The following GRHL2 variants were observed in gnomAD, a reference collection of about 807,000 sequenced individuals.
GRHL2 encodes grainyhead-like protein 2 homolog.
GRHL2 carries 21 observed loss-of-function variants against 83.8 expected under a neutral mutation model. The ratio of observed to expected loss-of-function variants is 0.25; its 90% confidence interval spans 0.18 to 0.36. The LOEUF (loss-of-function observed/expected upper bound fraction) is 0.36. Among genes scored for constraint, GRHL2 ranks in the 10% least tolerant of loss-of-function variants. GRHL2 has a pLI of 1.00. For synonymous variants in GRHL2, 280 were observed against 278.9 expected (o/e 1.00, Z -0.04); for missense variants, 623 against 781.8 (o/e 0.80, Z 2.42).
chr8:101,599,614 C>T (rs929329795), intron 8 of GRHL2, among the ~76,000 whole-genome samples: 2 of 152,216 alleles, frequency 1.3e-5, no homozygotes, highest in Non-Finnish European at 2.9e-5. Flanking sequence ...CTGAGCTCTA[C>T]TGATGGAGGT....
At chr8:101,512,754 G>T (rs1243115296) in intron 1 of GRHL2, among the ~76,000 whole-genome samples, 3 of 152,216 alleles carry the variant, frequency 2.0e-5, no homozygotes, top group Admixed American at 6.5e-5. Flanking sequence ...GATGCTTTCA[G>T]TATTTCACTG....
chr8:101,546,354 A>G (rs1329647431), intron 2 of GRHL2, among the ~76,000 whole-genome samples: 1 of 151,982 alleles, frequency 6.6e-6, no homozygotes, highest in Admixed American at 6.6e-5. Context: ...TTTGATGACA[A>G]TTCTTTTTTT....
chr8:101,637,155 T>TA (rs1813304861), intron 12 of GRHL2, among the ~76,000 whole-genome samples: 1 of 152,146 alleles, frequency 6.6e-6, no homozygotes, highest in South Asian at 2.1e-4. Flanking sequence ...GCTTCCTCCC[T>TA]AAGACCCACC....
intron 12 of GRHL2, among the ~76,000 whole-genome samples, chr8:101,639,292 C>T (rs979774686): frequency 1.3e-5 from 2 of 148,206 alleles, no homozygotes; most frequent in African/African-American, 5.3e-5. Context: ...ACATGAACAG[C>T]ATTGGAACCA....
chr8:101,539,866 C>T (rs1166769288), intron 1 of GRHL2, among the ~76,000 whole-genome samples: 1 of 152,152 alleles, frequency 6.6e-6, no homozygotes, highest in Non-Finnish European at 1.5e-5. Context: ...CTGTCGTGTG[C>T]CCTCACAGCA....
rs115200036 is a variant in GRHL2 at position 101,633,418 on chromosome 8, A to G, written c.1485+1053A>G. Reference sequence around the variant, plus strand: ...TTGCATTCTAAGCATGCAAACACTCAATGGAATTGACCTTGGTGTAGAAAG... The same window carrying G: ...TTGCATTCTAAGCATGCAAACACTCGATGGAATTGACCTTGGTGTAGAAAG... On this transcript the variant is annotated intron_variant, in intron 11 of 15. Coordinates refer to ENST00000646743, the MANE Select transcript of GRHL2 (RefSeq NM_024915.4). Among the ~76,000 whole-genome samples, 640 of 152,314 alleles carry G rather than the reference A, an allele frequency of 4.2e-3. 5 individuals are homozygous for G. The highest frequency in any genetic ancestry group is 0.014 in the African/African-American group (596 of 41,568).
At chr8:101,531,288 C>T (rs544998763) in intron 1 of GRHL2, among the ~76,000 whole-genome samples, 1 of 151,542 alleles carries the variant, frequency 6.6e-6, no homozygotes, top group African/African-American at 2.4e-5. Context: ...CTGACTGCTA[C>T]CTGAACCTGG....
chr8:101,524,099 C>G (rs182283511), intron 1 of GRHL2, among the ~76,000 whole-genome samples: 1 of 152,250 alleles, frequency 6.6e-6, no homozygotes, highest in Admixed American at 6.5e-5. Flanking sequence ...TTTTCTCTTT[C>G]CAAATAATTG....
chr8:101,493,535 G>C (rs2129941323), intron 1 of GRHL2, among the ~76,000 whole-genome samples: 1 of 152,252 alleles, frequency 6.6e-6, no homozygotes, highest in Non-Finnish European at 1.5e-5. Context: ...ACTCATGTGA[G>C]GCCTCGAGTT....
chr8:101,562,367 T>C (rs754094199), intron 4 of GRHL2: 7 of 673,900 alleles, frequency 1.0e-5, no homozygotes, highest in Non-Finnish European at 1.7e-5. Flanking sequence ...GTGCTTCTTT[T>C]TAAAGTTTTT....
chr8:101,607,267 T>C (rs574664290), intron 8 of GRHL2, among the ~76,000 whole-genome samples: 2 of 152,346 alleles, frequency 1.3e-5, no homozygotes, highest in Admixed American at 6.5e-5. Context: ...GATGGCGTTC[T>C]TAATCTGCTG....
In GRHL2 at chr8:101,644,168, G is replaced by C. The variant is rs1367233616; in HGVS notation, c.1555G>C (p.Glu519Gln). 6.2e-7 allele frequency: 1 copy of C among 1,614,176 alleles called. No homozygotes were observed. Among genetic ancestry groups the C allele is most frequent in the Admixed American group, 1.7e-5 (1 of 60,028 alleles). ...TGTTAAACGGATGTTCCGGCCCATG[G>C]AAGAGGAGTTTGGTCCAGTGCCTTC... ...VLVKRMFRPM[E>Q]EEFGPVPSKQ... is the part of the protein sequence containing the mutation. Residue 519 changes from glutamate (E) to glutamine (Q), a missense_variant, in exon 13 of 16, where the codon GAA becomes CAA. This residue lies in a region of GRHL2 where 210 missense variants were observed against 254.8 expected (regional missense o/e 0.82). Coordinates refer to ENST00000646743, the MANE Select transcript of GRHL2 (RefSeq NM_024915.4).
At chr8:101,607,595 A>G (rs1478146254) in intron 8 of GRHL2, among the ~76,000 whole-genome samples, 3 of 152,246 alleles carry the variant, frequency 2.0e-5, no homozygotes, top group Non-Finnish European at 4.4e-5. Flanking sequence ...GGAAAATTAC[A>G]GAATATTACA....
chr8:101,602,754 T>G (rs1388796787), intron 8 of GRHL2, among the ~76,000 whole-genome samples: 1 of 152,226 alleles, frequency 6.6e-6, no homozygotes, highest in East Asian at 1.9e-4. Context: ...TACCTAGCTT[T>G]GGCGAACATT....
intron 5 of GRHL2, among the ~76,000 whole-genome samples, chr8:101,571,176 C>T (rs1811812988): frequency 6.6e-6 from 1 of 152,160 alleles, no homozygotes; most frequent in South Asian, 2.1e-4. Flanking sequence ...GACCTATAGG[C>T]CTGCACATGT....
chr8:101,655,269 AG>A (rs1813762116), intron 14 of GRHL2, among the ~76,000 whole-genome samples: 1 of 152,158 alleles, frequency 6.6e-6, no homozygotes, highest in Admixed American at 6.5e-5. Context: ...GCATGAGAGG[AG>A]AGGGTAGACT....
chr8:101,649,632 T>A, intron 14 of GRHL2, 133 bp downstream of exon 14: 1 of 727,332 alleles, frequency 1.4e-6, no homozygotes, highest in East Asian at 2.7e-5. Context: ...ACCTAAGATT[T>A]GTGGAGGCAT....
At chr8:101,584,441 C>A (rs1812121997) in intron 7 of GRHL2, among the ~76,000 whole-genome samples, 2 of 152,204 alleles carry the variant, frequency 1.3e-5, no homozygotes, top group South Asian at 2.1e-4. Flanking sequence ...GCAAAGGAAG[C>A]CTCTTAAGAG....
At chr8:101,673,267 T>TA (rs1178791072), downstream of GRHL2, among the ~76,000 whole-genome samples, 8 of 151,140 alleles carry the variant, frequency 5.3e-5, no homozygotes, top group East Asian at 9.8e-4. Flanking sequence ...GCAAATTGGA[T>TA]AGAGTCAAGA....
Sources: allele counts gnomAD v4.1 joint callset (sites outside exome capture counted in the v4.1 genomes callset), GRCh38; gene constraint gnomAD v4.1.1; regional missense constraint gnomAD v4.1.1; transcripts MANE v1.5; gene names NCBI Gene and HGNC (gene_info 2026-07-23, HGNC 2026-07-21).